The following SPATA18 variants were observed in gnomAD, a reference collection of about 807,000 sequenced individuals.
The protein encoded by SPATA18 is mitochondria-eating protein.
A neutral mutation model predicts 68.1 loss-of-function variants in SPATA18; 54 were observed. The observed-to-expected ratio is 0.79, with a 90% CI of 0.64 to 0.99. The LOEUF is 0.99. Among genes scored for constraint, SPATA18 ranks in the 50% least tolerant of loss-of-function variants. SPATA18 has a pLI of 0.00. For synonymous variants in SPATA18, 242 were observed against 244.8 expected (o/e 0.99, Z 0.11); for missense variants, 724 against 681.1 (o/e 1.06, Z -0.70).
At chr4:52,056,480 G>C (rs1738351981) in intron 1 of SPATA18, among the ~76,000 whole-genome samples, 1 of 152,170 alleles carries the variant, frequency 6.6e-6, no homozygotes, top group Non-Finnish European at 1.5e-5. Context: ...CACAGGGCCT[G>C]GCTGGCATAT....
At chr4:52,066,482 A>G (rs1046073075) in intron 4 of SPATA18, among the ~76,000 whole-genome samples, 1 of 152,206 alleles carries the variant, frequency 6.6e-6, no homozygotes, top group African/African-American at 2.4e-5. Flanking sequence ...AAAAGCCGTT[A>G]GTCTCCTCCT....
chr4:52,055,253 T>A (rs1738235981), intron 1 of SPATA18, among the ~76,000 whole-genome samples: 1 of 152,198 alleles, frequency 6.6e-6, no homozygotes, highest in Non-Finnish European at 1.5e-5. Flanking sequence ...TGTTTGAAGT[T>A]TACTTATTTC....
intron 2 of SPATA18, 121 bp from the exon 3 acceptor site, chr4:52,060,661 T>A: frequency 8.8e-7 from 1 of 1,140,028 alleles, no homozygotes; most frequent in Non-Finnish European, 1.3e-6. Context: ...TATTCTCTCT[T>A]TTTTTTTTAA....
At chr4:52,065,980 T>C (rs1739277226) in intron 4 of SPATA18, among the ~76,000 whole-genome samples, 1 of 152,152 alleles carries the variant, frequency 6.6e-6, no homozygotes, top group African/African-American at 2.4e-5. Context: ...CACTTGCCCC[T>C]TTCTTTCTAT....
chr4:52,083,209 G>T (rs1419414480), intron 10 of SPATA18: 1 of 985,220 alleles, frequency 1.0e-6, no homozygotes, highest in Non-Finnish European at 1.2e-6. Context: ...ATGTTATGTA[G>T]TTTTTACCCC....
intron 10 of SPATA18, chr4:52,082,987 G>A: frequency 2.0e-6 from 2 of 985,422 alleles, no homozygotes; most frequent in Non-Finnish European, 2.4e-6. Context: ...AAAGAGGGCA[G>A]AGGAGGTGGG....
intron 4 of SPATA18, among the ~76,000 whole-genome samples, chr4:52,064,187 A>G (rs1481315739): frequency 6.7e-6 from 1 of 150,100 alleles, no homozygotes; most frequent in Non-Finnish European, 1.5e-5. Context: ...CTCTTTCTAT[A>G]TATATATATA....
chr4:52,079,781 C>A lies in SPATA18; in HGVS notation c.1217C>A (p.Ser406Ter). Residue 406 changes from serine to a stop codon, truncating the protein, a stop_gained, in exon 9 of 13, where the codon TCA (serine) becomes TAA (stop). Coordinates refer to ENST00000295213, the MANE Select transcript of SPATA18 (RefSeq NM_145263.4). LOFTEE classifies it high-confidence loss of function. Reference sequence around the variant, plus strand: ...GCCATGAATGTCAATCCCAAGATTTCATTCCCTCCTGTCGTTGACTTTTGC... The same window carrying A: ...GCCATGAATGTCAATCCCAAGATTTAATTCCCTCCTGTCGTTGACTTTTGC... ...IRAMNVNPKI[S>*]FPPVVDFCLL... The A allele has an allele frequency of 6.2e-7, 1 of 1,614,002 alleles. No individual in the cohort carries two copies. The highest frequency in any genetic ancestry group is 8.5e-7 in the Non-Finnish European group (1 of 1,179,928).
At chr4:52,087,586 A>G (rs760966619) in intron 11 of SPATA18, among the ~76,000 whole-genome samples, 2 of 151,860 alleles carry the variant, frequency 1.3e-5, no homozygotes, top group Non-Finnish European at 2.9e-5. Flanking sequence ...TTGTAGCTGT[A>G]TGGTTTTATT....
Position 52,069,931 on chromosome 4 carries a change from A to G in SPATA18, c.518+15A>G, listed in dbSNP as rs1739655926. On this transcript the variant is annotated intron_variant, in intron 5 of 12. Transcript: ENST00000295213. Reference sequence around the variant, plus strand: ...CTGAAAAAGCAGTAAGAAAAAAATTACAGGATTATTGCAGCCTAAATCATT... The same window carrying G: ...CTGAAAAAGCAGTAAGAAAAAAATTGCAGGATTATTGCAGCCTAAATCATT... 3 of 1,572,028 alleles carry G rather than the reference A, an allele frequency of 1.9e-6. No homozygotes were observed. Among genetic ancestry groups the G allele is most frequent in the East Asian group, 4.5e-5 (2 of 44,266 alleles).
At chr4:52,053,464 C>T (rs1245710342) in intron 1 of SPATA18, among the ~76,000 whole-genome samples, 6 of 152,110 alleles carry the variant, frequency 3.9e-5, no homozygotes, top group Admixed American at 1.3e-4. Flanking sequence ...TGTATTCTTC[C>T]CCCTCCACTC....
Position 52,051,728 on chromosome 4 carries a change from G to T in SPATA18, c.24G>T (p.Leu8=), listed in dbSNP as rs151044158. 9 of 1,614,114 alleles carry T rather than the reference G, an allele frequency of 5.6e-6. No homozygotes were observed. Among genetic ancestry groups the T allele is most frequent in the African/African-American group, 1.3e-5 (1 of 74,942 alleles). The change falls in exon 1 of 13, where the codon CTG becomes CTT. Residue 8 remains leucine, a synonymous_variant. Transcript: ENST00000295213. MAENLKR[L]VSNETLRTLQ... ...CGATGGCGGAAAACCTGAAAAGACTGGTCTCAAACGAAACTTTACGAACGT... is the reference window on the plus strand; with the variant it reads ...CGATGGCGGAAAACCTGAAAAGACTTGTCTCAAACGAAACTTTACGAACGT...
At chr4:52,074,714 A>T (rs1246275162) in intron 6 of SPATA18, among the ~76,000 whole-genome samples, 2 of 152,206 alleles carry the variant, frequency 1.3e-5, no homozygotes, top group African/African-American at 4.8e-5. Flanking sequence ...GTACCATTAT[A>T]ACAGGGTGTA....
At chr4:52,083,522 G>C in intron 10 of SPATA18, 1 of 974,872 alleles carries the variant, frequency 1.0e-6, no homozygotes, top group South Asian at 4.7e-5. Context: ...AGCCAAGGCA[G>C]GAGGATTGTT....
At chr4:52,081,563 T>C (rs1377144634) in intron 9 of SPATA18, among the ~76,000 whole-genome samples, 2 of 152,192 alleles carry the variant, frequency 1.3e-5, no homozygotes, top group African/African-American at 4.8e-5. Flanking sequence ...ACTAACACCC[T>C]TTTTATTCTT....
In SPATA18 at chr4:52,077,572, G is replaced by A. The variant is rs183438388; in HGVS notation, c.1020+532G>A. ...CCAGGCATTTGTTTAAGAAGTATCC[G>A]TAAACGCAGGACTATCTCAAATGGG... is the stretch of plus-strand genomic sequence containing the variant. On this transcript the variant is annotated intron_variant, in intron 7 of 12. Coordinates refer to ENST00000295213, the MANE Select transcript of SPATA18 (RefSeq NM_145263.4). Among the ~76,000 whole-genome samples the A allele has an allele frequency of 3.0e-3, 457 of 152,098 alleles. 3 individuals carry two copies. Among genetic ancestry groups the A allele is most frequent in the African/African-American group, 0.01 (426 of 41,494 alleles).
intron 11 of SPATA18, among the ~76,000 whole-genome samples, chr4:52,093,506 T>G (rs539263511): frequency 1.1e-4 from 17 of 152,310 alleles, no homozygotes; most frequent in Middle Eastern, 3.4e-3. Context: ...CATCATTATC[T>G]TTTTTCATGA....
intron 12 of SPATA18, 41 bp from the exon 13 acceptor site, chr4:52,094,839 G>C (rs776537069): frequency 2.5e-6 from 4 of 1,613,350 alleles, no homozygotes; most frequent in Non-Finnish European, 3.4e-6. Context: ...GAAAATCGAA[G>C]AAAGTGACCA....
intron 4 of SPATA18, among the ~76,000 whole-genome samples, chr4:52,063,574 G>A (rs1022392952): frequency 6.6e-6 from 1 of 152,102 alleles, no homozygotes; most frequent in Non-Finnish European, 1.5e-5. Context: ...CCACTTCAAG[G>A]TCACACAGTC....
Sources: allele counts gnomAD v4.1 joint callset (sites outside exome capture counted in the v4.1 genomes callset), GRCh38; gene constraint gnomAD v4.1.1; transcripts MANE v1.5; gene names NCBI Gene and HGNC (gene_info 2026-07-23, HGNC 2026-07-21).